Variants in VRK3 observed in about 807,000 individuals in gnomAD.
The protein encoded by VRK3 is serine/threonine-protein kinase VRK3.
VRK3 carries 50 observed loss-of-function variants against 60.4 expected under a neutral mutation model. The ratio of observed to expected loss-of-function variants is 0.83; its 90% CI spans 0.66 to 1.05. The LOEUF is 1.05. Among genes scored for constraint, VRK3 ranks in the 50% least tolerant of loss-of-function variants. The pLI, the probability that VRK3 is intolerant of heterozygous loss-of-function variation, is 0.00. For missense variants in VRK3, 549 were observed against 585.3 expected, an observed-to-expected ratio of 0.94 and a Z score of 0.64; for synonymous variants, 246 against 227.8, an observed-to-expected ratio of 1.08 and a Z score of -0.72.
intron 12 of VRK3, chr19:49,986,516 A>G (rs2076518424): frequency 6.5e-6 from 1 of 153,060 alleles, no homozygotes; most frequent in Non-Finnish European, 1.5e-5. Context: ...CACCACGGCC[A>G]GCATGCGATT....
intron 5 of VRK3, among the ~76,000 whole-genome samples, chr19:50,002,008 T>G (rs1383231408): frequency 1.3e-5 from 2 of 152,048 alleles, no homozygotes; most frequent in Non-Finnish European, 1.5e-5. Context: ...TCAGGATTGC[T>G]CCACAGGTGG....
chr19:49,992,708 G>T, intron 10 of VRK3, 152 bp downstream of exon 10: 1 of 636,780 alleles, frequency 1.6e-6, no homozygotes, highest in Non-Finnish European at 2.6e-6. Context: ...TTCCTACTAA[G>T]TTGCTTATCT....
intron 11 of VRK3, 21 bp downstream of exon 11, chr19:49,989,618 A>G: frequency 6.3e-7 from 1 of 1,593,416 alleles, no homozygotes; most frequent in Non-Finnish European, 8.6e-7. Context: ...TGCGGTCCCA[A>G]ACCCATCCCT....
chr19:49,997,251 C>T, intron 7 of VRK3: 1 of 362,924 alleles, frequency 2.8e-6, no homozygotes, highest in Non-Finnish European at 5.1e-6. Flanking sequence ...TCCCAAAGTG[C>T]TGGGAGTATA....
intron 1 of VRK3, among the ~76,000 whole-genome samples, chr19:50,022,028 G>T (rs910778607): frequency 2.0e-5 from 3 of 152,140 alleles, no homozygotes; most frequent in African/African-American, 7.2e-5. Flanking sequence ...ACTCTATGAG[G>T]TAGGGATGAT....
chr19:49,980,131 T>C (rs1407589720), intron 13 of VRK3, among the ~76,000 whole-genome samples: 1 of 152,010 alleles, frequency 6.6e-6, no homozygotes, highest in Non-Finnish European at 1.5e-5. Context: ...AAGCTATCTG[T>C]TTCTGTCTGT....
intron 12 of VRK3, among the ~76,000 whole-genome samples, chr19:49,983,815 C>A (rs1233189822): frequency 6.6e-6 from 1 of 152,160 alleles, no homozygotes; most frequent in Non-Finnish European, 1.5e-5. Context: ...GCAACATCGC[C>A]CCCTTGTGGT....
At chr19:49,980,397 T>G (rs1469496955) in intron 13 of VRK3, among the ~76,000 whole-genome samples, 1 of 152,000 alleles carries the variant, frequency 6.6e-6, no homozygotes, top group African/African-American at 2.4e-5. Flanking sequence ...TAGAATGAGA[T>G]GTATGTAGGG....
chr19:50,019,166 A>T (rs1377170950), intron 2 of VRK3: 6 of 80,362 alleles, frequency 7.5e-5, no homozygotes, highest in Non-Finnish European at 1.3e-4. Flanking sequence ...CTCCGTCTCT[A>T]AAAAAAAAAA....
chr19:50,007,750 G>T lies in VRK3; in HGVS notation c.366C>A (p.Ser122Arg). Reference sequence around the variant, plus strand: ...GAGGGCTACAGCTGGTCTTCTGAGGGCTACCCCTGGTCACCTGAGGGCTCT... The same window carrying T: ...GAGGGCTACAGCTGGTCTTCTGAGGTCTACCCCTGGTCACCTGAGGGCTCT... Reference protein sequence around the residue: ...TRKSPQVTRGSPQKTSCSPQK... With the variant: ...TRKSPQVTRGRPQKTSCSPQK... Residue 122 changes from serine to arginine, a missense_variant, in exon 5 of 15, where the codon AGC becomes AGA. Transcript: ENST00000316763. 1.2e-6 allele frequency: 2 copies of T among 1,613,624 alleles called. No homozygotes were observed. Among genetic ancestry groups the T allele is most frequent in the East Asian group, 4.5e-5 (2 of 44,758 alleles).
At chr19:49,999,578 CTT>C (rs929583097) in intron 6 of VRK3, 1 of 152,336 alleles carries the variant, frequency 6.6e-6, no homozygotes, top group Non-Finnish European at 1.5e-5. Context: ...ACAGAGCTGC[CTT>C]CCCAGTGGAT....
rs559533067 is a variant in VRK3, at chr19:49,980,649, G to A, written c.1276+306C>T. 1.5e-3 allele frequency among the ~76,000 whole-genome samples: 230 copies of A among 152,016 alleles called. 10 individuals are homozygous for A. In the South Asian group the frequency reaches 0.046, roughly 30 times the overall value. ...CGAGAATTGCTTGAACCTGGGAGGC[G>A]GAGACTGCAGTAAGCTGAGATCGTA... On this transcript the variant is annotated intron_variant, in intron 13 of 14. Transcript: ENST00000316763.
Position 49,995,327 on chromosome 19 carries a change from G to A in VRK3, c.680-52C>T, listed in dbSNP as rs541490942. 14 of 1,532,488 alleles carry A rather than the reference G, an allele frequency of 9.1e-6. No individual in the cohort carries two copies. The East Asian group carries it at 2.9e-4, about 32-fold the overall frequency. The allele number at this position is 1,532,488 out of a possible 1,614,324, so 94.9% of individuals were successfully genotyped here. A position where few individuals can be genotyped will look rare whatever the true frequency, so the allele number is the denominator to read the frequency against. ...GAACCCACCCAGTCCCAAGCCCATGGCAGTAAGAGCTAGTTCTCAGAGAAG... is the reference window on the plus strand; with the variant it reads ...GAACCCACCCAGTCCCAAGCCCATGACAGTAAGAGCTAGTTCTCAGAGAAG... On this transcript the variant is annotated intron_variant, in intron 7 of 14. Transcript: ENST00000316763.
At chr19:50,009,409 A>G in intron 3 of VRK3, 24 bp from the exon 4 acceptor site, 2 of 1,611,598 alleles carry the variant, frequency 1.2e-6, no homozygotes, top group South Asian at 2.2e-5. Context: ...GACAAAATGC[A>G]GACTGGAGTT....
intron 9 of VRK3, 53 bp downstream of exon 9, chr19:49,994,760 AG>A (rs1260068438): frequency 3.4e-5 from 51 of 1,509,490 alleles, no homozygotes; most frequent in Non-Finnish European, 3.1e-5. Context: ...CTGCTAAACT[AG>A]GATGTGATGT....
At chr19:49,995,806 T>C (rs2076692437) in intron 7 of VRK3, among the ~76,000 whole-genome samples, 1 of 152,194 alleles carries the variant, frequency 6.6e-6, no homozygotes, top group African/African-American at 2.4e-5. Context: ...TGGAATACAA[T>C]GGCGCGATCT....
At chr19:50,022,569 T>A (rs993852282) in intron 1 of VRK3, among the ~76,000 whole-genome samples, 1 of 151,892 alleles carries the variant, frequency 6.6e-6, no homozygotes, top group Admixed American at 6.6e-5. Context: ...GCGGATCACG[T>A]GAGGTTAGGA....
In VRK3 at chr19:49,982,031, G is replaced by C. The variant is rs565978121; in HGVS notation, c.1218-1018C>G. 616 of 667,038 alleles carry C rather than the reference G, an allele frequency of 9.2e-4. 3 individuals carry two copies. The African/African-American group carries it at 9.8e-3, about 11-fold the overall frequency. 41.3% of individuals were successfully genotyped at this position (667,038 alleles called of 1,614,324 possible). A position where few individuals can be genotyped will look rare whatever the true frequency, so the allele number is the denominator to read the frequency against. On this transcript the variant is annotated intron_variant, in intron 12 of 14. Coordinates refer to ENST00000316763, the MANE Select transcript of VRK3 (RefSeq NM_016440.4). The stretch of plus-strand genomic sequence containing the variant: ...TGTCTGTGGCTGACTCAAAGGGAGG[G>C]AGGTGGTCCCCCGGAGGCGGCTGCA...
chr19:50,015,465 T>C (rs1048885510), intron 3 of VRK3, among the ~76,000 whole-genome samples: 1 of 152,106 alleles, frequency 6.6e-6, no homozygotes, highest in Non-Finnish European at 1.5e-5. Context: ...TGCGCCACTA[T>C]GCCCAGCTAA....
Sources: gnomAD v4.1 joint callset for allele counts (sites outside exome capture counted in the v4.1 genomes callset) on GRCh38, gnomAD v4.1.1 for gene constraint, MANE v1.5 for transcripts, NCBI Gene and HGNC (gene_info 2026-07-23, HGNC 2026-07-21) for gene names.